Variants in ARL13A observed in about 807,000 individuals in gnomAD.
The protein encoded by ARL13A is ARF like GTPase 13A, also known as ADP-ribosylation factor-like protein 13A.
ARL13A carries 16 observed loss-of-function variants against 19.1 expected under a neutral mutation model. The observed-to-expected ratio is 0.84, with a 90% CI of 0.57 to 1.27. The LOEUF is 1.27. Ranked by LOEUF, ARL13A falls within the 50% of genes most tolerant of loss-of-function variation. The probability of loss-of-function intolerance (pLI) is 0.00; values close to 1 mark genes in which losing one functional copy is unlikely to be tolerated. For missense variants in ARL13A, 153 were observed against 186.4 expected (o/e 0.82, Z 1.04); for synonymous variants, 69 against 71.3 (o/e 0.97, Z 0.17).
intron 3 of ARL13A, among the ~76,000 whole-genome samples, chrX:100,976,583 C>A (rs1012645107): frequency 1.8e-5 from 2 of 111,795 alleles, no homozygotes; most frequent in Non-Finnish European, 3.8e-5. Flanking sequence ...CCTCCCTTGT[C>A]CCTGCAAATG....
intron 3 of ARL13A, among the ~76,000 whole-genome samples, chrX:100,980,911 G>A (rs952212348): frequency 8.9e-6 from 1 of 111,824 alleles, no homozygotes; most frequent in African/African-American, 3.2e-5. Context: ...CCTGAAATGG[G>A]GGCTTCGGGA....
chrX:100,985,533 C>G, intron 3 of ARL13A, 134 bp from the exon 4 acceptor site: 2 of 700,248 alleles, frequency 2.9e-6, no homozygotes, highest in Non-Finnish European at 4.1e-6. Context: ...GATTGCTTTT[C>G]CTCTCTTCCC....
At chrX:100,987,034 C>T in intron 5 of ARL13A, 133 bp downstream of exon 5, 1 of 432,743 alleles carries the variant, frequency 2.3e-6, no homozygotes, top group East Asian at 3.9e-5. Flanking sequence ...CACAGTGATT[C>T]CTGACTTGAT....
chrX:100,978,864 G>A (rs910856494), intron 3 of ARL13A, among the ~76,000 whole-genome samples: 6 of 109,614 alleles, frequency 5.5e-5, no homozygotes, highest in African/African-American at 2.0e-4. Context: ...TAGGTTTTTT[G>A]ATTTGAAGTT....
At chrX:100,983,090 A>G (rs997751143) in intron 3 of ARL13A, among the ~76,000 whole-genome samples, 6 of 111,005 alleles carry the variant, frequency 5.4e-5, no homozygotes, top group African/African-American at 2.0e-4. Flanking sequence ...CTAGGGATAC[A>G]GAAATGAAAT....
At chrX:100,983,900 T>C (rs897113411) in intron 3 of ARL13A, among the ~76,000 whole-genome samples, 22 of 111,421 alleles carry the variant, frequency 2.0e-4, no homozygotes, top group African/African-American at 6.2e-4. Flanking sequence ...ATGACTCATT[T>C]TAGCAATGCT....
In ARL13A at chrX:100,974,210, G is replaced by C. The variant is rs375398528; in HGVS notation, c.130+13G>C. Reference sequence around the variant, plus strand: ...GCATTCCAAAAATGTAAGGAACTAAGAGCATTAGATACTGGCGTGGGTCTC... The same window carrying C: ...GCATTCCAAAAATGTAAGGAACTAACAGCATTAGATACTGGCGTGGGTCTC... On this transcript the variant is annotated intron_variant, in intron 3 of 7. Coordinates refer to ENST00000450049, the MANE Select transcript of ARL13A (RefSeq NM_001162491.2). 2.3e-5 allele frequency: 27 copies of C among 1,157,169 alleles called. No homozygotes were observed. The highest frequency in any genetic ancestry group is 5.4e-5 in the African/African-American group (3 of 55,750).
chrX:100,982,569 T>C (rs1228475463), intron 3 of ARL13A, among the ~76,000 whole-genome samples: 2 of 109,311 alleles, frequency 1.8e-5, no homozygotes, highest in Non-Finnish European at 3.8e-5. Flanking sequence ...CAGAATCACC[T>C]GGGGAGCTTT....
At chrX:100,987,064 T>C (rs748291468) in intron 5 of ARL13A, among the ~76,000 whole-genome samples, 163 bp downstream of exon 5, 1 of 111,885 alleles carries the variant, frequency 8.9e-6, no homozygotes, top group African/African-American at 3.2e-5. Flanking sequence ...AAATATTGCA[T>C]TCTGCCTTCA....
intron 3 of ARL13A, among the ~76,000 whole-genome samples, chrX:100,982,694 C>A (rs903483459): frequency 1.9e-4 from 19 of 100,663 alleles, no homozygotes; most frequent in Non-Finnish European, 2.6e-4. Context: ...GTCACCCCGA[C>A]TGGGGTGCAG....
rs1389519440 is a variant in ARL13A, at chrX:100,987,523, A to G, written c.620A>G (p.Asn207Ser). The G allele has an allele frequency of 1.7e-6, 2 of 1,209,469 alleles. No individual in the cohort carries two copies. The highest frequency in any genetic ancestry group is 2.2e-6 in the Non-Finnish European group (2 of 895,163). Reference sequence around the variant, plus strand: ...TCGAGCATCTCAATCTCCAAGAATAACACAGGCTCTGGAGAAAGATGCTCA... The same window carrying G: ...TCGAGCATCTCAATCTCCAAGAATAGCACAGGCTCTGGAGAAAGATGCTCA... Reference protein sequence around the residue: ...PTSSISISKNNTGSGERCSSH... With the variant: ...PTSSISISKNSTGSGERCSSH... The change falls in exon 6 of 8, where the codon AAC (asparagine) becomes AGC (serine). Residue 207 changes from asparagine (N) to serine (S), a missense_variant. Coordinates refer to ENST00000450049, the MANE Select transcript of ARL13A (RefSeq NM_001162491.2).
intron 1 of ARL13A, among the ~76,000 whole-genome samples, chrX:100,971,713 A>AT (rs2085652258): frequency 3.2e-4 from 2 of 6,341 alleles, no homozygotes; most frequent in Non-Finnish European, 5.9e-4. Context: ...TGCAGCTTTC[A>AT]TTTTCTTTTT....
At chrX:100,980,028 G>C (rs917208765) in intron 3 of ARL13A, among the ~76,000 whole-genome samples, 1 of 111,210 alleles carries the variant, frequency 9.0e-6, no homozygotes, top group African/African-American at 3.3e-5. Context: ...CGACCACTGA[G>C]ACTGTGCTGA....
At chrX:100,988,415 C>G (rs1038926751) in intron 7 of ARL13A, 132 bp downstream of exon 7, 3 of 1,201,523 alleles carry the variant, frequency 2.5e-6, no homozygotes, top group African/African-American at 3.5e-5. Context: ...AAGAATATGT[C>G]AGTAACATTT....
intron 3 of ARL13A, among the ~76,000 whole-genome samples, chrX:100,979,546 C>T (rs976484148): frequency 3.6e-5 from 4 of 111,892 alleles, no homozygotes; most frequent in African/African-American, 1.3e-4. Flanking sequence ...CTCAAAACAA[C>T]TATTTTGAAT....
At chrX:100,986,714 T>G in intron 4 of ARL13A, 82 bp from the exon 5 acceptor site, 2 of 606,117 alleles carry the variant, frequency 3.3e-6, no homozygotes, top group Non-Finnish European at 5.2e-6. Flanking sequence ...TCTCCTCCTC[T>G]TTCCCTTCTT....
chrX:100,988,861 T>TATATA (rs2085978604), intron 7 of ARL13A, among the ~76,000 whole-genome samples: 1 of 100,112 alleles, frequency 1.0e-5, no homozygotes, highest in Non-Finnish European at 2.0e-5. Context: ...CATATATATA[T>TATATA]ATATATATAT....
At chrX:100,989,476 G>A (rs1361998808) in intron 7 of ARL13A, among the ~76,000 whole-genome samples, 1 of 109,872 alleles carries the variant, frequency 9.1e-6, no homozygotes, top group Non-Finnish European at 1.9e-5. Flanking sequence ...CGGGCATGGT[G>A]GCGGACGCCT....
Position 100,985,649 on chromosome X carries a change from C to CT in ARL13A, c.131-14dup. 1 of 1,192,423 alleles carries CT rather than the reference C, an allele frequency of 8.4e-7. No homozygotes were observed. The highest frequency in any genetic ancestry group is 1.1e-6 in the Non-Finnish European group (1 of 885,232). On this transcript the variant is annotated splice_polypyrimidine_tract_variant and intron_variant, in intron 3 of 7. Coordinates refer to ENST00000450049, the MANE Select transcript of ARL13A (RefSeq NM_001162491.2). ...TTCGATCTAAGTGATTGCTTCTCCT[C>CT]TTTTCCCCTATGCACAGTACTTCCC...
Sources: gnomAD v4.1 joint callset for allele counts (sites outside exome capture counted in the v4.1 genomes callset) on GRCh38, gnomAD v4.1.1 for gene constraint, MANE v1.5 for transcripts, NCBI Gene and HGNC (gene_info 2026-07-23, HGNC 2026-07-21) for gene names.